The following CACNB4 variants were observed in gnomAD, a reference collection of about 807,000 sequenced individuals.
CACNB4 encodes the protein calcium voltage-gated channel auxiliary subunit beta 4.
A neutral mutation model predicts 71.2 loss-of-function variants in CACNB4; 32 were observed. The ratio of observed to expected loss-of-function variants is 0.45; its 90% CI spans 0.34 to 0.60. CACNB4 has a LOEUF of 0.60. Ranked by LOEUF, CACNB4 falls within the 20% of genes least tolerant of loss-of-function variation. CACNB4 has a pLI of 0.01. For missense variants in CACNB4, 464 were observed against 647.9 expected, an observed-to-expected ratio of 0.72 and a Z score of 3.08; for synonymous variants, 231 against 236.9, an observed-to-expected ratio of 0.97 and a Z score of 0.23.
chr2:152,050,767 C>T (rs1560162611), intron 2 of CACNB4, among the ~76,000 whole-genome samples: 1 of 151,576 alleles, frequency 6.6e-6, no homozygotes, highest in African/African-American at 2.4e-5. Context: ...GGTTTTTCTG[C>T]TTGTTTGTTT....
At chr2:152,094,251 G>T (rs889301736) in intron 2 of CACNB4, among the ~76,000 whole-genome samples, 7 of 152,214 alleles carry the variant, frequency 4.6e-5, no homozygotes, top group African/African-American at 1.7e-4. Flanking sequence ...AAGATTAAAA[G>T]TTAACTAGGC....
At chr2:151,883,594 C>T (rs545839079) in intron 2 of CACNB4, 6 of 536,876 alleles carry the variant, frequency 1.1e-5, no homozygotes, top group South Asian at 1.0e-4. Flanking sequence ...AGATTAAGTG[C>T]TAGGAAGTAA....
intron 2 of CACNB4, among the ~76,000 whole-genome samples, chr2:151,896,836 A>G (rs1350692008): frequency 1.3e-5 from 2 of 152,222 alleles, no homozygotes; most frequent in African/African-American, 4.8e-5. Context: ...TTTAGTCACA[A>G]TAAAAACTTA....
At chr2:152,030,301 A>C (rs367868417) in intron 2 of CACNB4, among the ~76,000 whole-genome samples, 3 of 152,334 alleles carry the variant, frequency 2.0e-5, no homozygotes, top group East Asian at 1.9e-4. Flanking sequence ...CATGCTTATA[A>C]GACACTAGAT....
intron 12 of CACNB4, among the ~76,000 whole-genome samples, chr2:151,843,172 C>T (rs150331134): frequency 2.4e-4 from 36 of 152,278 alleles, no homozygotes; most frequent in Admixed American, 2.0e-4. Flanking sequence ...AGCAGGGTGG[C>T]CCCCCTGTCA....
Position 151,872,444 on chromosome 2 carries a change from T to A in CACNB4, c.571A>T (p.Thr191Ser), listed in dbSNP as rs746415223. ...SSSLGEMVSGTFRATPTSTAK... is the reference protein window; with the variant it reads ...SSSLGEMVSGSFRATPTSTAK... ...GTTGATGTGGGAGTTGCTCGGAATG[T>A]CCCAGATACCATTTCTCCAAGACTT... Residue 191 changes from threonine to serine, a missense_variant, in exon 6 of 14, where the codon ACA becomes TCA. Thr to Ser is a moderately conservative substitution (Grantham distance 58). Transcript: ENST00000539935. The A allele has an allele frequency of 1.1e-5, 18 of 1,604,274 alleles. No homozygotes were observed. The highest frequency in any genetic ancestry group is 1.5e-5 in the Non-Finnish European group (18 of 1,172,902).
chr2:151,991,958 G>A lies in CACNB4; in HGVS notation c.147+106372C>T, dbSNP rs565911637. ...AATGAAGAATACATAACTGATTTCC[G>A]ATTGCAGAGAGGTAACTGGGACTCA... is the stretch of plus-strand genomic sequence containing the variant. On this transcript the variant is annotated intron_variant, in intron 2 of 13. Transcript: ENST00000539935. 4.6e-5 allele frequency among the ~76,000 whole-genome samples: 7 copies of A among 152,332 alleles called. No homozygotes were observed. The South Asian group carries it at 8.3e-4, about 18-fold the overall frequency.
chr2:152,058,278 G>C (rs1032176505), intron 2 of CACNB4, among the ~76,000 whole-genome samples: 5 of 152,200 alleles, frequency 3.3e-5, no homozygotes, highest in Non-Finnish European at 5.9e-5. Flanking sequence ...CGCAAAGAGG[G>C]GGGTACTGCT....
At chr2:151,901,508 C>T (rs1332521623) in intron 2 of CACNB4, among the ~76,000 whole-genome samples, 2 of 151,940 alleles carry the variant, frequency 1.3e-5, no homozygotes, top group African/African-American at 2.4e-5. Flanking sequence ...CCAATTTTAG[C>T]TATGCAGGTC....
At chr2:151,969,807 A>G (rs186718430) in intron 2 of CACNB4, 2 of 152,374 alleles carry the variant, frequency 1.3e-5, no homozygotes, top group Non-Finnish European at 2.9e-5. Context: ...ATTGTTATAC[A>G]TACATATTAA....
intron 9 of CACNB4, 192 bp downstream of exon 9, chr2:151,868,985 C>T (rs890755118): frequency 4.8e-6 from 2 of 414,650 alleles, no homozygotes; most frequent in African/African-American, 2.0e-5. Flanking sequence ...TCTCATGGTC[C>T]TTTCTTCACT....
At chr2:151,845,957 C>T (rs183668893) in intron 12 of CACNB4, among the ~76,000 whole-genome samples, 1 of 152,272 alleles carries the variant, frequency 6.6e-6, no homozygotes, top group Non-Finnish European at 1.5e-5. Context: ...GAGTGAAAAA[C>T]ATGCCTCTAG....
chr2:152,093,801 T>C (rs1227732976), intron 2 of CACNB4, among the ~76,000 whole-genome samples: 9 of 152,232 alleles, frequency 5.9e-5, no homozygotes, highest in African/African-American at 9.6e-5. Context: ...TATAACATCA[T>C]ACAATGCAGA....
chr2:151,990,134 C>T (rs1681624711), intron 2 of CACNB4, among the ~76,000 whole-genome samples: 1 of 152,166 alleles, frequency 6.6e-6, no homozygotes, highest in South Asian at 2.1e-4. Context: ...ACATCCATGA[C>T]ACCTCCCTTT....
At chr2:152,049,118 T>C (rs1300440851) in intron 2 of CACNB4, among the ~76,000 whole-genome samples, 2 of 152,136 alleles carry the variant, frequency 1.3e-5, no homozygotes, top group African/African-American at 4.8e-5. Context: ...TGTTTTCCTG[T>C]TCATACCTTG....
chr2:152,038,102 G>A (rs897926307), intron 2 of CACNB4, among the ~76,000 whole-genome samples: 2 of 152,270 alleles, frequency 1.3e-5, no homozygotes, highest in African/African-American at 4.8e-5. Flanking sequence ...GATCTACCAT[G>A]CTGTATTTGG....
intron 2 of CACNB4, among the ~76,000 whole-genome samples, chr2:151,893,828 A>G (rs1462054505): frequency 6.6e-6 from 1 of 152,222 alleles, no homozygotes. Flanking sequence ...CACATAAGTG[A>G]CTTGGGTTTA....
rs1206052648 is a variant in CACNB4, at chr2:151,837,475, G to A, written c.*1644C>T. 6.6e-6 allele frequency: 1 copy of A among 151,898 alleles called. No individual in the cohort carries two copies. Among genetic ancestry groups the A allele is most frequent in the African/African-American group, 2.4e-5 (1 of 41,408 alleles). The allele number at this position is 151,898 out of a possible 1,614,324, so 9.4% of individuals were successfully genotyped here. On this transcript the variant is annotated 3_prime_UTR_variant, in exon 14 of 14. Transcript: ENST00000539935. ...TGAGTGCCTGAATACTGAAAGGCTTGGGGAGAAAAGAAGATACTATAAAAT... is the reference window on the plus strand; with the variant it reads ...TGAGTGCCTGAATACTGAAAGGCTTAGGGAGAAAAGAAGATACTATAAAAT...
chr2:151,890,044 T>A (rs2099850347), intron 2 of CACNB4, among the ~76,000 whole-genome samples: 1 of 152,234 alleles, frequency 6.6e-6, no homozygotes, highest in Non-Finnish European at 1.5e-5. Context: ...GTTCTTTTTT[T>A]AATTACAGTC....
Sources: gnomAD v4.1 joint callset for allele counts (sites outside exome capture counted in the v4.1 genomes callset) on GRCh38, gnomAD v4.1.1 for gene constraint, MANE v1.5 for transcripts, NCBI Gene and HGNC (gene_info 2026-07-23, HGNC 2026-07-21) for gene names.